Variants in MASP2 observed in about 807,000 individuals in gnomAD.
MASP2 encodes the protein MBL associated serine protease 2, also known as mannan-binding lectin serine protease 2.
A neutral mutation model predicts 57.1 loss-of-function variants in MASP2; 49 were observed. That is an observed-to-expected ratio of 0.86 (90% CI 0.68 to 1.09). The LOEUF (loss-of-function observed/expected upper bound fraction) is 1.09, where lower values mean the gene tolerates loss of function less well. Ranked by LOEUF, MASP2 falls within the 50% of genes least tolerant of loss-of-function variation. The pLI is 0.00. For missense variants in MASP2, 900 were observed against 874.8 expected (o/e 1.03, Z -0.36); for synonymous variants, 379 against 340.8 (o/e 1.11, Z -1.24).
rs142805543 is a variant in MASP2, at chr1:11,047,203, C to T, written c.5G>A (p.Arg2Lys). 8 of 1,563,110 alleles carry T rather than the reference C, an allele frequency of 5.1e-6. No individual in the cohort carries two copies. Among genetic ancestry groups the T allele is most frequent in the South Asian group, 2.3e-5 (2 of 85,226 alleles). M[R>K]LLTLLGLLCG... is the part of the protein sequence containing the mutation. ...AGGGAGGCTGTGGGCGCCCACCTAC[C>T]TCATGGTGTGCCCGTCCAGCTGGCC... Residue 2 changes from arginine to lysine, a missense_variant and splice_region_variant, in exon 1 of 11, where the codon AGG becomes AAG. Transcript: ENST00000400897.
intron 4 of MASP2, chr1:11,045,029 A>AGCAGGTGGGGCT: frequency 1.4e-6 from 2 of 1,430,984 alleles, no homozygotes; most frequent in Non-Finnish European, 2.0e-6. Context: ...GGTCAGCGCC[A>AGCAGGTGGGGCT]GCAGGTGGGG....
chr1:11,031,528 TAAAA>T lies in MASP2; in HGVS notation c.1088-650_1088-647del, dbSNP rs565771459. Reference sequence around the variant, plus strand: ...TGGGTGACAGAGCAAGACTCTGTCTTAAAAAAAAAAAAAAAAAAGGCTGCAGCGG... The same window carrying T: ...TGGGTGACAGAGCAAGACTCTGTCTTAAAAAAAAAAAAAAGGCTGCAGCGG... On this transcript the variant is annotated intron_variant, in intron 8 of 10. Coordinates refer to ENST00000400897, the MANE Select transcript of MASP2 (RefSeq NM_006610.4). Among the ~76,000 whole-genome samples the T allele has an allele frequency of 9.5e-3, 644 of 67,508 alleles. 28 individuals carry two copies. Among genetic ancestry groups the T allele is most frequent in the African/African-American group, 0.043 (626 of 14,638 alleles). The allele number at this position is 67,508 out of a possible 152,430, so 44.3% of individuals were successfully genotyped here.
At chr1:11,027,872 T>A (rs540911658) in intron 10 of MASP2, among the ~76,000 whole-genome samples, 1 of 152,340 alleles carries the variant, frequency 6.6e-6, no homozygotes, top group South Asian at 2.1e-4. Flanking sequence ...AAAATGAGAT[T>A]AGTGAAAACT....
chr1:11,039,621 A>AGAAG (rs1375077786), intron 6 of MASP2, among the ~76,000 whole-genome samples: 5 of 135,432 alleles, frequency 3.7e-5, no homozygotes, highest in East Asian at 2.3e-4. Flanking sequence ...ATGGATGGAT[A>AGAAG]TATGGGTGGA....
chr1:11,033,360 T>C (rs529152781), intron 8 of MASP2, among the ~76,000 whole-genome samples: 2 of 148,536 alleles, frequency 1.3e-5, no homozygotes, highest in Non-Finnish European at 3.0e-5. Context: ...AAAAATATTG[T>C]CAGGCTGGGC....
At position 11,044,869 on chromosome 1, in the gene MASP2, A is replaced by C. The variant is rs547544711; in HGVS notation, c.544+539T>G. On this transcript the variant is annotated intron_variant, in intron 4 of 10. Transcript: ENST00000400897. ...AGTTGGGGCACAGCCATCTCAGCCCAACCCGGAGCTGAGGCCAGCAGGCTG... is the reference window on the plus strand; with the variant it reads ...AGTTGGGGCACAGCCATCTCAGCCCCACCCGGAGCTGAGGCCAGCAGGCTG... 1.1e-5 allele frequency: 17 copies of C among 1,567,390 alleles called. 1 individual carries two copies. In the African/African-American group the frequency reaches 2.2e-4, roughly 20 times the overall value.
chr1:11,045,824 G>A, intron 3 of MASP2: 1 of 501,688 alleles, frequency 2.0e-6, no homozygotes. Context: ...ATCAAACCCA[G>A]GGGGCGGGGC....
At chr1:11,038,373 C>A (rs930940805) in intron 6 of MASP2, among the ~76,000 whole-genome samples, 1 of 152,078 alleles carries the variant, frequency 6.6e-6, no homozygotes, top group Non-Finnish European at 1.5e-5. Flanking sequence ...TCACAGCAGC[C>A]CCATAGGACA....
At chr1:11,032,769 C>T (rs1435736804) in intron 8 of MASP2, among the ~76,000 whole-genome samples, 3 of 150,930 alleles carry the variant, frequency 2.0e-5, no homozygotes. Context: ...ATTAGCTGGG[C>T]TTGGTGGGAA....
In MASP2 at chr1:11,047,216, C is replaced by A. The variant is rs758938472; in HGVS notation, c.-9G>T. ...GCGCCCACCTACCTCATGGTGTGCCCGTCCAGCTGGCCTGGCCTGGTCTGC... is the reference window on the plus strand; with the variant it reads ...GCGCCCACCTACCTCATGGTGTGCCAGTCCAGCTGGCCTGGCCTGGTCTGC... On this transcript the variant is annotated 5_prime_UTR_variant, in exon 1 of 11. Transcript: ENST00000400897. 1.3e-6 allele frequency: 2 copies of A among 1,560,950 alleles called. No individual in the cohort carries two copies. The highest frequency in any genetic ancestry group is 4.7e-5 in the East Asian group (2 of 42,272).
chr1:11,030,120 C>T, intron 10 of MASP2, 56 bp downstream of exon 10: 1 of 1,313,242 alleles, frequency 7.6e-7, no homozygotes. Context: ...TCACTGTCTC[C>T]TACCCAGTCC....
intron 6 of MASP2, among the ~76,000 whole-genome samples, chr1:11,039,776 T>A (rs6660417): frequency 1 from 151,339 of 151,410 alleles, 75,634 homozygotes; most frequent in Admixed American, 1. Context: ...GGGTAGAAGG[T>A]CGGGTGGATG....
intron 6 of MASP2, among the ~76,000 whole-genome samples, chr1:11,041,839 TAGA>T (rs1638461118): frequency 2.9e-4 from 34 of 117,844 alleles, no homozygotes; most frequent in Middle Eastern, 5.3e-3. Flanking sequence ...GGTAGATGAG[TAGA>T]AGGATGGGTT....
chr1:11,045,620 G>T, intron 3 of MASP2, 81 bp from the exon 4 acceptor site: 1 of 1,471,678 alleles, frequency 6.8e-7, no homozygotes, highest in South Asian at 1.3e-5. Context: ...GGAGATCCAT[G>T]ACCTCAGAGT....
chr1:11,046,875 C>T lies in MASP2; in HGVS notation c.234+16G>A. On this transcript the variant is annotated intron_variant, in intron 2 of 10. Coordinates refer to ENST00000400897, the MANE Select transcript of MASP2 (RefSeq NM_006610.4). ...CCCGACCCTGAGAAACCCCAGCCCT[C>T]CCGTCCTGACGGCACCTTGACGAAG... 6.4e-7 allele frequency: 1 copy of T among 1,557,544 alleles called. No homozygotes were observed. Among genetic ancestry groups the T allele is most frequent in the South Asian group, 1.2e-5 (1 of 84,758 alleles).
chr1:11,043,153 C>G, intron 5 of MASP2, 131 bp from the exon 6 acceptor site: 2 of 1,058,808 alleles, frequency 1.9e-6, no homozygotes, highest in Non-Finnish European at 2.8e-6. Flanking sequence ...TTGGGGTGCC[C>G]CTCCCCACTC....
At chr1:11,027,677 C>A in intron 10 of MASP2, 29 bp from the exon 11 acceptor site, 3 of 1,546,496 alleles carry the variant, frequency 1.9e-6, no homozygotes, top group Non-Finnish European at 2.6e-6. Flanking sequence ...AGGTAGAGAG[C>A]CTTTGTAAAA....
chr1:11,028,509 T>TC (rs1264177447), intron 10 of MASP2, among the ~76,000 whole-genome samples: 1 of 152,164 alleles, frequency 6.6e-6, no homozygotes, highest in Non-Finnish European at 1.5e-5. Context: ...AGTTGATTCT[T>TC]CCAAACTAAG....
At chr1:11,027,753 T>A in intron 10 of MASP2, 105 bp from the exon 11 acceptor site, 1 of 1,223,300 alleles carries the variant, frequency 8.2e-7, no homozygotes, top group Non-Finnish European at 1.1e-6. Flanking sequence ...AACCAAAAAT[T>A]ATATTACATG....
Sources: gnomAD v4.1 joint callset for allele counts (sites outside exome capture counted in the v4.1 genomes callset) on GRCh38, gnomAD v4.1.1 for gene constraint, MANE v1.5 for transcripts, NCBI Gene and HGNC (gene_info 2026-07-23, HGNC 2026-07-21) for gene names.